IP6K3: variants seen among roughly 807,000 people sequenced by gnomAD.
The protein encoded by IP6K3 is inositol hexakisphosphate kinase 3, also known as ATP:1D-myo-inositol-hexakisphosphate phosphotransferase.
Under a neutral mutation model 28.8 loss-of-function variants are expected in IP6K3, and 20 were observed. The observed-to-expected ratio is 0.70, with a 90% CI of 0.49 to 1.01. The LOEUF is 1.01. Among genes scored for constraint, IP6K3 ranks in the 50% least tolerant of loss-of-function variants. The probability of loss-of-function intolerance (pLI) is 0.00; values close to 1 mark genes in which losing one functional copy is unlikely to be tolerated. For synonymous variants in IP6K3, 213 were observed against 221.3 expected, an observed-to-expected ratio of 0.96 and a Z score of 0.33; for missense variants, 480 against 537.1, an observed-to-expected ratio of 0.89 and a Z score of 1.05.
At chr6:33,750,612 C>G (rs1561914591), upstream of IP6K3, among the ~76,000 whole-genome samples, 1 of 152,220 alleles carries the variant, frequency 6.6e-6, no homozygotes, top group African/African-American at 2.4e-5. The surrounding 1 kb of genome is among the most constrained non-coding windows in gnomAD (Gnocchi z 4.3). Flanking sequence ...TCAGTTTGCT[C>G]AACGCTATGT....
chr6:33,751,994 C>T, the IP6K3 span, among the ~76,000 whole-genome samples: 1 of 152,214 alleles, frequency 6.6e-6, no homozygotes, highest in Non-Finnish European at 1.5e-5. The surrounding 1 kb of genome is among the most constrained non-coding windows in gnomAD (Gnocchi z 4.3). Context: ...CCCCCCAGAC[C>T]ACACCACATC....
the IP6K3 span, among the ~76,000 whole-genome samples, chr6:33,759,868 G>A: frequency 4.7e-5 from 7 of 149,452 alleles, no homozygotes; most frequent in African/African-American, 7.4e-5. Flanking sequence ...GTGAGACTCC[G>A]TCTAAAAAAA....
chr6:33,738,165 G>A (rs1766594204), intron 1 of IP6K3, among the ~76,000 whole-genome samples: 2 of 152,050 alleles, frequency 1.3e-5, no homozygotes, highest in Non-Finnish European at 2.9e-5. Context: ...CCCAGGCAGA[G>A]AAACTTTTGG....
intron 1 of IP6K3, 134 bp from the exon 2 acceptor site, chr6:33,735,789 A>G: frequency 2.4e-6 from 1 of 412,748 alleles, no homozygotes; most frequent in South Asian, 2.8e-5. Context: ...GACTGTAAAT[A>G]TCCATTGATT....
At chr6:33,729,091 C>T (rs113153813) in intron 2 of IP6K3, among the ~76,000 whole-genome samples, 2 of 152,326 alleles carry the variant, frequency 1.3e-5, no homozygotes, top group African/African-American at 4.8e-5. Flanking sequence ...GTATCTGAAA[C>T]GCCCTTACCC....
At chr6:33,750,605 G>C (rs1466345159), upstream of IP6K3, among the ~76,000 whole-genome samples, 4 of 152,208 alleles carry the variant, frequency 2.6e-5, no homozygotes, top group East Asian at 5.8e-4. The surrounding 1 kb of genome is among the most constrained non-coding windows in gnomAD (Gnocchi z 4.3). Context: ...ACTTGGCTCA[G>C]TTTGCTCAAC....
rs1330735198 is a variant in IP6K3 at position 33,746,038 on chromosome 6, A to C, written c.-180+720T>G. 1.3e-5 allele frequency among the ~76,000 whole-genome samples: 2 copies of C among 152,160 alleles called. No homozygotes were observed. The highest frequency in any genetic ancestry group is 2.9e-5 in the Non-Finnish European group (2 of 68,010). On this transcript the variant is annotated intron_variant, in intron 1 of 5. Coordinates refer to ENST00000293756, the MANE Select transcript of IP6K3 (RefSeq NM_054111.5). This position sits in a 1 kb window ranked among gnomAD's most constrained non-coding sequence, Gnocchi z 6.5. ...AGAATTTCAGGGGAAGGGGCCTGGC[A>C]TGGGGGGTTTAAGGCCCCCAAGGCA...
intron 2 of IP6K3, among the ~76,000 whole-genome samples, chr6:33,733,924 T>C (rs1478891806): frequency 6.6e-6 from 1 of 152,176 alleles, no homozygotes; most frequent in African/African-American, 2.4e-5. Flanking sequence ...AATTCCTGGC[T>C]GGGCGCAGTG....
Position 33,727,297 on chromosome 6 carries a change from G to A in IP6K3, c.414-391C>T, listed in dbSNP as rs1052394206. Among the ~76,000 whole-genome samples, 4 of 152,200 alleles carry A rather than the reference G, an allele frequency of 2.6e-5. 1 individual carries two copies. The highest frequency in any genetic ancestry group is 9.6e-5 in the African/African-American group (4 of 41,452). The stretch of plus-strand genomic sequence containing the variant: ...ACTCTGACAATCCAGCAGGCAGGCC[G>A]TCACCTCCCTGAGACCTCAGAAGGG... On this transcript the variant is annotated intron_variant, in intron 3 of 5. Transcript: ENST00000293756.
intron 1 of IP6K3, among the ~76,000 whole-genome samples, chr6:33,741,612 C>T (rs1435243004): frequency 7.4e-6 from 1 of 135,598 alleles, no homozygotes; most frequent in Non-Finnish European, 1.5e-5. Context: ...TGTCATTGCA[C>T]TCCAGCTTGG....
intron 1 of IP6K3, among the ~76,000 whole-genome samples, chr6:33,745,523 C>T (rs60704560): frequency 0.42 from 64,096 of 151,936 alleles, 15,856 homozygotes; most frequent in East Asian, 0.87. Flanking sequence ...GACAACCCCC[C>T]CTTTGATTCA....
rs140928051 is a variant in IP6K3, at chr6:33,722,615, G to A, written c.*105C>T. On this transcript the variant is annotated 3_prime_UTR_variant, in exon 6 of 6. Transcript: ENST00000293756. The stretch of plus-strand genomic sequence containing the variant: ...TAGAGATGGTTTTTGAAGGTAGATA[G>A]GACTATTATGAAGACATCTAAGGGG... The A allele has an allele frequency of 2.2e-4, 164 of 732,372 alleles. No homozygotes were observed. The highest frequency in any genetic ancestry group is 9.5e-4 in the African/African-American group (54 of 56,918). The allele number at this position is 732,372 out of a possible 1,614,324, so 45.4% of individuals were successfully genotyped here.
At position 33,744,972 on chromosome 6, in the gene IP6K3, C is replaced by T. The variant is rs985148521; in HGVS notation, c.-180+1786G>A. Among the ~76,000 whole-genome samples the T allele has an allele frequency of 6.6e-6, 1 of 152,218 alleles. No homozygotes were observed. The highest frequency in any genetic ancestry group is 1.5e-5 in the Non-Finnish European group (1 of 68,046). ...CGATCTCCACCCCATCTGTCCATCC[C>T]GCCCAGGCTGTGGCACCCTGGTGGG... On this transcript the variant is annotated intron_variant, in intron 1 of 5. Coordinates refer to ENST00000293756, the MANE Select transcript of IP6K3 (RefSeq NM_054111.5). This position sits in a 1 kb window ranked among gnomAD's most constrained non-coding sequence, Gnocchi z 4.4.
intron 1 of IP6K3, among the ~76,000 whole-genome samples, chr6:33,740,422 T>A (rs928799464): frequency 1.3e-5 from 2 of 152,198 alleles, no homozygotes; most frequent in African/African-American, 4.8e-5. Flanking sequence ...GACACCGAGC[T>A]GGTTGTTAAA....
the IP6K3 span, among the ~76,000 whole-genome samples, chr6:33,753,690 G>A: frequency 1.3e-5 from 2 of 152,156 alleles, no homozygotes; most frequent in African/African-American, 2.4e-5. Context: ...TCCTTGCCAA[G>A]ACAACACTTT....
At chr6:33,733,272 G>A (rs567959727) in intron 2 of IP6K3, among the ~76,000 whole-genome samples, 1 of 152,384 alleles carries the variant, frequency 6.6e-6, no homozygotes, top group African/African-American at 2.4e-5. Flanking sequence ...TACTGAGTTA[G>A]CAGAGCCCCA....
At chr6:33,729,706 T>C (rs181645042) in intron 2 of IP6K3, among the ~76,000 whole-genome samples, 1 of 151,968 alleles carries the variant, frequency 6.6e-6, no homozygotes, top group East Asian at 1.9e-4. Flanking sequence ...AGTTCCTTTT[T>C]TCTTTCTTTC....
chr6:33,758,169 A>C, the IP6K3 span, among the ~76,000 whole-genome samples: 2 of 152,074 alleles, frequency 1.3e-5, no homozygotes, highest in Non-Finnish European at 2.9e-5. Flanking sequence ...CCTGGAGAGG[A>C]GGTTTAAAGT....
upstream of IP6K3, among the ~76,000 whole-genome samples, chr6:33,751,857 G>A (rs1005847361): frequency 5.3e-5 from 8 of 152,202 alleles, no homozygotes; most frequent in East Asian, 1.9e-4. This position sits in a 1 kb window ranked among gnomAD's most constrained non-coding sequence, Gnocchi z 4.3. Flanking sequence ...AGCCAAGCCC[G>A]GCGCCATGTT....
Sources: gnomAD v4.1 joint callset for allele counts (sites outside exome capture counted in the v4.1 genomes callset) on GRCh38, gnomAD v4.1.1 for gene constraint, Gnocchi (gnomAD v3.1) non-coding constraint, MANE v1.5 for transcripts, NCBI Gene and HGNC (gene_info 2026-07-23, HGNC 2026-07-21) for gene names.